UBE2QL1: variants seen among roughly 807,000 people sequenced by gnomAD.
The protein encoded by UBE2QL1 is ubiquitin conjugating enzyme E2 QL1.
UBE2QL1 carries 5 observed loss-of-function variants against 12.6 expected under a neutral mutation model. The ratio of observed to expected loss-of-function variants is 0.40; its 90% CI spans 0.21 to 0.83. The LOEUF (loss-of-function observed/expected upper bound fraction) is 0.83. Ranked by LOEUF, UBE2QL1 falls within the 40% of genes least tolerant of loss-of-function variation. UBE2QL1 has a pLI of 0.37. For missense variants in UBE2QL1, 99 were observed against 222.6 expected (o/e 0.44, Z 3.53); for synonymous variants, 96 against 94.5 (o/e 1.02, Z -0.10).
intron 1 of UBE2QL1, among the ~76,000 whole-genome samples, chr5:6,457,575 T>C (rs945848831): frequency 6.6e-6 from 1 of 152,150 alleles, no homozygotes; most frequent in African/African-American, 2.4e-5. Context: ...CGTAAGTGCT[T>C]ACTGTGGGTC....
chr5:6,466,347 C>T (rs1739793086), intron 1 of UBE2QL1, among the ~76,000 whole-genome samples: 1 of 152,230 alleles, frequency 6.6e-6, no homozygotes, highest in Non-Finnish European at 1.5e-5. Flanking sequence ...TGGAGTCCCC[C>T]CAACCCATCT....
intron 1 of UBE2QL1, among the ~76,000 whole-genome samples, chr5:6,452,315 T>C (rs1350935210): frequency 6.6e-6 from 1 of 152,212 alleles, no homozygotes; most frequent in African/African-American, 2.4e-5. Flanking sequence ...TGCATGTTGC[T>C]GTCTGAATTC....
chr5:6,463,558 G>A lies in UBE2QL1; in HGVS notation c.354+14311G>A, dbSNP rs76515206. On this transcript the variant is annotated intron_variant, in intron 1 of 1. Transcript: ENST00000399816. ...AGGACCGGGAGCGAGACCGTGGTCCGAAGTTCTCCCGAAACCCAGGTAGGC... is the reference window on the plus strand; with the variant it reads ...AGGACCGGGAGCGAGACCGTGGTCCAAAGTTCTCCCGAAACCCAGGTAGGC... Among the ~76,000 whole-genome samples, 1,100 of 151,530 alleles carry A rather than the reference G, an allele frequency of 7.3e-3. 18 individuals carry two copies. The highest frequency in any genetic ancestry group is 0.026 in the African/African-American group (1,060 of 41,330).
chr5:6,465,693 G>A (rs539207753), intron 1 of UBE2QL1, among the ~76,000 whole-genome samples: 2 of 152,124 alleles, frequency 1.3e-5, no homozygotes, highest in Non-Finnish European at 2.9e-5. Flanking sequence ...GTCCTGGAAA[G>A]GAAAGAGCCC....
intron 1 of UBE2QL1, among the ~76,000 whole-genome samples, chr5:6,467,478 G>A (rs952452491): frequency 2.0e-5 from 3 of 152,100 alleles, no homozygotes; most frequent in Admixed American, 2.0e-4. Flanking sequence ...TCTTCCTAGA[G>A]GGACACCAGT....
chr5:6,468,882 G>A (rs189805300), intron 1 of UBE2QL1, among the ~76,000 whole-genome samples: 139 of 152,292 alleles, frequency 9.1e-4, no homozygotes, highest in Non-Finnish European at 1.6e-3. Context: ...TGCACTTTAC[G>A]TGCATTCTTG....
At chr5:6,454,706 A>G (rs76445988) in intron 1 of UBE2QL1, among the ~76,000 whole-genome samples, 16,313 of 152,188 alleles carry the variant, frequency 0.11, 1,228 homozygotes, top group South Asian at 0.3. Context: ...CCCGGAGGGA[A>G]GCTAGAACAA....
chr5:6,475,851 G>A (rs1416896019), intron 1 of UBE2QL1, among the ~76,000 whole-genome samples: 2 of 152,070 alleles, frequency 1.3e-5, no homozygotes, highest in East Asian at 1.9e-4. Context: ...GACAAGCCCT[G>A]CCCCTGTGGA....
intron 1 of UBE2QL1, among the ~76,000 whole-genome samples, chr5:6,465,835 T>C (rs1335652491): frequency 6.6e-6 from 1 of 152,222 alleles, no homozygotes; most frequent in East Asian, 1.9e-4. Context: ...CCTGCCTCCG[T>C]GAGGACGGAA....
chr5:6,449,464 C>G (rs577925823), intron 1 of UBE2QL1, among the ~76,000 whole-genome samples: 1 of 152,204 alleles, frequency 6.6e-6, no homozygotes, highest in Admixed American at 6.5e-5. Context: ...CCGTCTCTCC[C>G]GTCCCCGTCT....
chr5:6,475,746 A>G (rs1734215048), intron 1 of UBE2QL1, among the ~76,000 whole-genome samples: 1 of 151,788 alleles, frequency 6.6e-6, no homozygotes, highest in African/African-American at 2.4e-5. Flanking sequence ...TTGTAAAGGG[A>G]GCATTAGACT....
chr5:6,469,722 T>A (rs79784158), intron 1 of UBE2QL1, among the ~76,000 whole-genome samples: 12,477 of 152,098 alleles, frequency 0.082, 665 homozygotes, highest in Non-Finnish European at 0.12. Context: ...TTTCACAATG[T>A]CATAATTTAA....
At chr5:6,487,821 A>C (rs1441084744) in intron 1 of UBE2QL1, among the ~76,000 whole-genome samples, 1 of 152,172 alleles carries the variant, frequency 6.6e-6, no homozygotes, top group African/African-American at 2.4e-5. Flanking sequence ...TCCTGGAAGG[A>C]TGAATGGCAA....
At chr5:6,488,562 C>G (rs1457599991) in intron 1 of UBE2QL1, among the ~76,000 whole-genome samples, 1 of 138,026 alleles carries the variant, frequency 7.2e-6, no homozygotes, top group Non-Finnish European at 1.5e-5. Context: ...ACTGAGAAAT[C>G]AAGGTAGGAG....
Position 6,491,360 on chromosome 5 carries a change from G to A in UBE2QL1, c.*11G>A, listed in dbSNP as rs1392257382. The A allele has an allele frequency of 9.1e-6, 14 of 1,546,486 alleles. 1 individual carries two copies. The highest frequency in any genetic ancestry group is 7.2e-5 in the South Asian group (6 of 83,208). On this transcript the variant is annotated 3_prime_UTR_variant, in exon 2 of 2. Transcript: ENST00000399816. ...GTGTCCGACGGCTGATGTCTGCCAC[G>A]TGCAGTAGACGCTCGAGCGCCTGTC... is the stretch of plus-strand genomic sequence containing the variant.
At chr5:6,449,879 AC>A (rs1278998345) in intron 1 of UBE2QL1, among the ~76,000 whole-genome samples, 1 of 78,220 alleles carries the variant, frequency 1.3e-5, no homozygotes, top group African/African-American at 4.5e-5. Context: ...CCCCCCCCAC[AC>A]ACACACACAC....
intron 1 of UBE2QL1, among the ~76,000 whole-genome samples, chr5:6,482,373 C>T (rs1055706704): frequency 3.9e-5 from 6 of 152,144 alleles, no homozygotes; most frequent in African/African-American, 1.4e-4. Flanking sequence ...CCCACCTCCA[C>T]CCCCCAGCAA....
intron 1 of UBE2QL1, among the ~76,000 whole-genome samples, chr5:6,462,748 A>G (rs1739700822): frequency 6.6e-6 from 1 of 152,218 alleles, no homozygotes; most frequent in African/African-American, 2.4e-5. Flanking sequence ...CTTTCCCCAT[A>G]GAATTCTATG....
chr5:6,484,348 C>T (rs1459809120), intron 1 of UBE2QL1, among the ~76,000 whole-genome samples: 4 of 152,132 alleles, frequency 2.6e-5, no homozygotes, highest in African/African-American at 7.2e-5. Context: ...GATTCTGGGC[C>T]CCTCCTCAGG....
Sources: gnomAD v4.1 joint callset for allele counts (sites outside exome capture counted in the v4.1 genomes callset) on GRCh38, gnomAD v4.1.1 for gene constraint, MANE v1.5 for transcripts, NCBI Gene and HGNC (gene_info 2026-07-23, HGNC 2026-07-21) for gene names.